Variants in CD207 observed in about 807,000 individuals in gnomAD.
The protein encoded by CD207 is C-type lectin domain family 4 member K.
A neutral mutation model predicts 31.6 loss-of-function variants in CD207; 28 were observed. That is an observed-to-expected ratio of 0.89 (90% confidence interval 0.66 to 1.21). The LOEUF is 1.21. Among genes scored for constraint, CD207 ranks in the 50% most tolerant of loss-of-function variants. The pLI is 0.00. For missense variants in CD207, 388 were observed against 397.8 expected (o/e 0.98, Z 0.21); for synonymous variants, 168 against 153.9 (o/e 1.09, Z -0.68).
chr2:70,831,715 C>A lies in CD207; in HGVS notation c.822G>T (p.Lys274Asn), dbSNP rs1677478318. The A allele has an allele frequency of 1.9e-6, 3 of 1,611,302 alleles. No homozygotes were observed. The highest frequency in any genetic ancestry group is 2.5e-6 in the Non-Finnish European group (3 of 1,177,472). The change falls in exon 5 of 6, where the codon AAG becomes AAT. Residue 274 changes from lysine to asparagine, a missense_variant. Lys to Asn is a moderately conservative substitution (Grantham distance 94). Coordinates refer to ENST00000410009, the MANE Select transcript of CD207 (RefSeq NM_015717.5). ...WSWVDDTPFN[K>N]VQSVRFWIPG... ...CAGGGGCTTACCTCACACTTTGGAC[C>A]TTGTTGAATGGCGTGTCATCCACCC...
downstream of CD207, among the ~76,000 whole-genome samples, chr2:70,827,850 G>A (rs910364252): frequency 6.6e-6 from 1 of 152,140 alleles, no homozygotes; most frequent in Non-Finnish European, 1.5e-5. Context: ...TATAGTACAT[G>A]TTCACGAGCA....
At chr2:70,827,932 T>C (rs1446141376), downstream of CD207, among the ~76,000 whole-genome samples, 1 of 152,036 alleles carries the variant, frequency 6.6e-6, no homozygotes, top group Admixed American at 6.5e-5. Context: ...CACAAAAGGA[T>C]AAATTTTTCA....
At chr2:70,831,459 C>A (rs1267006220) in intron 5 of CD207, among the ~76,000 whole-genome samples, 3 of 152,226 alleles carry the variant, frequency 2.0e-5, no homozygotes, top group Non-Finnish European at 4.4e-5. Context: ...AGACTCATGA[C>A]AAGATCCCTG....
In CD207 at chr2:70,831,730, G is replaced by A. The variant is rs1443777166; in HGVS notation, c.807C>T (p.Asp269=). ...CACTTTGGACCTTGTTGAATGGCGT[G>A]TCATCCACCCAGGACCAGTCCCCTT... is the stretch of plus-strand genomic sequence containing the variant. ...GMEGDWSWVD[D]TPFNKVQSVR... Residue 269 remains aspartate (D), a synonymous_variant, in exon 5 of 6, where the codon GAC becomes GAT. Transcript: ENST00000410009. 1 of 1,612,746 alleles carries A rather than the reference G, an allele frequency of 6.2e-7. No homozygotes were observed. The highest frequency in any genetic ancestry group is 1.3e-5 in the African/African-American group (1 of 74,900).
At position 70,833,688 on chromosome 2, in the gene CD207, G is replaced by T. The variant is rs782523764; in HGVS notation, c.523C>A (p.Gln175Lys). Residue 175 changes from glutamine to lysine, a missense_variant, in exon 3 of 6, where the codon CAG (glutamine) becomes AAG (lysine). Gln to Lys is a moderately conservative substitution (Grantham distance 53). Coordinates refer to ENST00000410009, the MANE Select transcript of CD207 (RefSeq NM_015717.5). ...SALNTKIRAL[Q>K]GSLENMSKLL... ...TTGCTCATATTCTCCAAGCTGCCCT[G>T]GAGTGCCCGGATCTTTGTATTTAAA... is the stretch of plus-strand genomic sequence containing the variant. The T allele has an allele frequency of 6.2e-7, 1 of 1,613,714 alleles. No homozygotes were observed. Among genetic ancestry groups the T allele is most frequent in the Non-Finnish European group, 8.5e-7 (1 of 1,179,830 alleles).
downstream of CD207, among the ~76,000 whole-genome samples, chr2:70,829,063 C>T (rs1677409538): frequency 6.6e-6 from 1 of 152,198 alleles, no homozygotes; most frequent in South Asian, 2.1e-4. Context: ...AACTCAGTGC[C>T]TTCCAGCTCA....
Position 70,835,690 on chromosome 2 carries a change from G to A in CD207, c.73+14C>T. 6.2e-7 allele frequency: 1 copy of A among 1,613,324 alleles called. No homozygotes were observed. Among genetic ancestry groups the A allele is most frequent in the Non-Finnish European group, 8.5e-7 (1 of 1,179,416 alleles). On this transcript the variant is annotated intron_variant, in intron 1 of 5. Transcript: ENST00000410009. Reference sequence around the variant, plus strand: ...CAGAACACGGAGCAGGTTCTCAGCAGCGATGTGGCTTGCCTCGGGGCCAGA... The same window carrying A: ...CAGAACACGGAGCAGGTTCTCAGCAACGATGTGGCTTGCCTCGGGGCCAGA...
At chr2:70,830,206 T>C (rs1677432947), downstream of CD207, 1 of 152,190 alleles carries the variant, frequency 6.6e-6, no homozygotes, top group South Asian at 2.1e-4. Flanking sequence ...AAAAGTGCAC[T>C]TGGAGTGAGT....
At chr2:70,834,141 G>T in intron 2 of CD207, 121 bp from the exon 3 acceptor site, 1 of 844,800 alleles carries the variant, frequency 1.2e-6, no homozygotes, top group Non-Finnish European at 1.7e-6. Flanking sequence ...AACCAAGACA[G>T]TCCAATGGGC....
At chr2:70,826,370 T>TAATTA (rs570203034), downstream of CD207, among the ~76,000 whole-genome samples, 28 of 103,410 alleles carry the variant, frequency 2.7e-4, no homozygotes, top group East Asian at 2.6e-3. Flanking sequence ...AATAAATAAA[T>TAATTA]AATTAAATTA....
chr2:70,824,732 CA>C, the CD207 span, among the ~76,000 whole-genome samples: 6 of 141,982 alleles, frequency 4.2e-5, no homozygotes, highest in African/African-American at 1.6e-4. Context: ...AAAAACAAAA[CA>C]AAAAAACAAA....
At position 70,833,974 on chromosome 2, in the gene CD207, C is replaced by G. The variant is rs782651346; in HGVS notation, c.237G>C (p.Gln79His). ...GTISDVKTNV[Q>H]LLKGRVDNIS... is the part of the protein sequence containing the mutation. Reference sequence around the variant, plus strand: ...TGTTGTCCACACGACCTTTCAGCAACTGGACATTGGTCTTTACATCTGATA... The same window carrying G: ...TGTTGTCCACACGACCTTTCAGCAAGTGGACATTGGTCTTTACATCTGATA... Residue 79 changes from glutamine to histidine, a missense_variant, in exon 3 of 6, where the codon CAG becomes CAC. Gln to His is a conservative substitution (Grantham distance 24). Transcript: ENST00000410009. 6.5e-7 allele frequency: 1 copy of G among 1,534,934 alleles called. No individual in the cohort carries two copies. Among genetic ancestry groups the G allele is most frequent in the African/African-American group, 1.4e-5 (1 of 72,366 alleles).
At chr2:70,829,583 C>T (rs1325252643), downstream of CD207, among the ~76,000 whole-genome samples, 4 of 152,070 alleles carry the variant, frequency 2.6e-5, no homozygotes, top group Non-Finnish European at 4.4e-5. Flanking sequence ...AGGTGGGGAC[C>T]GAGGGCAAGG....
At chr2:70,831,675 T>A in intron 5 of CD207, 26 bp downstream of exon 5, 1 of 1,420,916 alleles carries the variant, frequency 7.0e-7, no homozygotes. Context: ...AAAGTCAGGC[T>A]GGCACGGAGG....
At chr2:70,828,219 T>C (rs753035616), downstream of CD207, among the ~76,000 whole-genome samples, 8 of 152,176 alleles carry the variant, frequency 5.3e-5, no homozygotes, top group Non-Finnish European at 1.2e-4. Flanking sequence ...GCACTATCAA[T>C]GGTGGGACTT....
In CD207 at chr2:70,833,038, C is replaced by T. The variant is rs782056019; in HGVS notation, c.579G>A (p.Gln193=). The T allele has an allele frequency of 5.6e-6, 9 of 1,613,916 alleles. No individual in the cohort carries two copies. The highest frequency in any genetic ancestry group is 6.8e-6 in the Non-Finnish European group (8 of 1,179,852). The change falls in exon 4 of 6, where the codon CAG becomes CAA. Residue 193 remains glutamine (Q), a synonymous_variant. Transcript: ENST00000410009. The part of the protein sequence containing the change: ...KLLKRQNDIL[Q]VVSQGWKYFK... ...AGTACTTCCAGCCTTGAGAAACCACCTGTAGAATATCATCTAGAGAACAAG... is the reference window on the plus strand; with the variant it reads ...AGTACTTCCAGCCTTGAGAAACCACTTGTAGAATATCATCTAGAGAACAAG...
In CD207 at chr2:70,835,588, A is replaced by G. The variant is rs1206859357; in HGVS notation, c.93T>C (p.Gly31=). Residue 31 remains glycine (G), a synonymous_variant, in exon 2 of 6, where the codon GGT becomes GGC. Transcript: ENST00000410009. ...LWPREPPPKS[G]PSLVPGKTPT... ...GTGTTTTCCCCGGGACCAGAGATGG[A>G]CCGGACTTGGGAGGAGGCTCTGTTG... is the stretch of plus-strand genomic sequence containing the variant. 3 of 1,614,004 alleles carry G rather than the reference A, an allele frequency of 1.9e-6. No homozygotes were observed. The highest frequency in any genetic ancestry group is 4.5e-5 in the East Asian group (2 of 44,890).
chr2:70,826,696 A>AGTGCTAGT (rs1677355265), downstream of CD207, among the ~76,000 whole-genome samples: 1 of 152,186 alleles, frequency 6.6e-6, no homozygotes, highest in Non-Finnish European at 1.5e-5. Context: ...GAAGGCTGTA[A>AGTGCTAGT]GTGCTAGTTC....
chr2:70,830,093 G>A (rs143670178), downstream of CD207: 194 of 152,328 alleles, frequency 1.3e-3, no homozygotes, highest in African/African-American at 4.4e-3. Context: ...CCCAGTCCTT[G>A]TTATTTTTGA....
Sources: allele counts gnomAD v4.1 joint callset (sites outside exome capture counted in the v4.1 genomes callset), GRCh38; gene constraint gnomAD v4.1.1; transcripts MANE v1.5; gene names NCBI Gene and HGNC (gene_info 2026-07-23, HGNC 2026-07-21).